The following GRM5 variants were observed in gnomAD, a reference collection of about 807,000 sequenced individuals.
GRM5 encodes glutamate metabotropic receptor 5.
A neutral mutation model predicts 83.1 loss-of-function variants in GRM5; 19 were observed. The observed-to-expected ratio is 0.23, with a 90% CI of 0.16 to 0.34. The LOEUF is 0.34. Ranked by LOEUF, GRM5 falls within the 10% of genes least tolerant of loss-of-function variation. GRM5 has a pLI of 1.00. For missense variants in GRM5, 1,160 were observed against 1,588.3 expected (o/e 0.73, Z 4.58); for synonymous variants, 675 against 633.6 (o/e 1.07, Z -0.98).
intron 2 of GRM5, among the ~76,000 whole-genome samples, chr11:89,013,837 G>T (rs1287874729): frequency 6.6e-6 from 1 of 152,092 alleles, no homozygotes; most frequent in Non-Finnish European, 1.5e-5. Context: ...CTACCAGATA[G>T]TTATTAAAAT....
intron 2 of GRM5, among the ~76,000 whole-genome samples, chr11:89,034,797 A>G (rs1028542685): frequency 1.3e-5 from 2 of 150,786 alleles, no homozygotes; most frequent in African/African-American, 4.9e-5. Context: ...GGTTATTTTT[A>G]TAAGTTCAAA....
At chr11:88,950,628 G>C (rs1938428671) in intron 2 of GRM5, among the ~76,000 whole-genome samples, 1 of 152,134 alleles carries the variant, frequency 6.6e-6, no homozygotes, top group Non-Finnish European at 1.5e-5. Context: ...GCAAAAAGAA[G>C]TGCAAGACTA....
chr11:88,878,665 G>A (rs1394892312), intron 2 of GRM5, among the ~76,000 whole-genome samples: 1 of 152,162 alleles, frequency 6.6e-6, no homozygotes, highest in Non-Finnish European at 1.5e-5. Context: ...GGCTAAGTAG[G>A]AGAAAGACTG....
intron 3 of GRM5, among the ~76,000 whole-genome samples, chr11:88,730,015 C>A (rs954411257): frequency 6.6e-6 from 1 of 152,036 alleles, no homozygotes; most frequent in East Asian, 1.9e-4. Context: ...GCAACAAAAG[C>A]CAAAATTGAC....
chr11:88,658,493 A>G (rs1939824147), intron 3 of GRM5, among the ~76,000 whole-genome samples: 2 of 152,160 alleles, frequency 1.3e-5, no homozygotes, highest in Non-Finnish European at 1.5e-5. Flanking sequence ...TGAAACTGAG[A>G]AAAAACATGA....
chr11:88,617,205 A>G (rs912717389), intron 4 of GRM5, among the ~76,000 whole-genome samples: 14 of 152,282 alleles, frequency 9.2e-5, no homozygotes, highest in African/African-American at 3.4e-4. Flanking sequence ...GTGTATTTTT[A>G]CCATCTAATA....
chr11:89,045,619 T>C (rs1941625668), intron 2 of GRM5, among the ~76,000 whole-genome samples: 1 of 152,168 alleles, frequency 6.6e-6, no homozygotes. Context: ...GGGGTAAATT[T>C]AGGATAAAAC....
chr11:88,618,524 C>T (rs950709402), intron 4 of GRM5, among the ~76,000 whole-genome samples: 17 of 151,076 alleles, frequency 1.1e-4, no homozygotes, highest in Non-Finnish European at 4.4e-5. Flanking sequence ...ATTAAAAAGA[C>T]ATTTATTGAG....
At chr11:88,993,054 A>AT (rs1432752993) in intron 2 of GRM5, among the ~76,000 whole-genome samples, 2 of 150,782 alleles carry the variant, frequency 1.3e-5, no homozygotes, top group Non-Finnish European at 3.0e-5. Context: ...TAAAAAATAA[A>AT]TAAAAAAAAA....
chr11:88,901,070 T>A (rs1216876025), intron 2 of GRM5, among the ~76,000 whole-genome samples: 1 of 152,122 alleles, frequency 6.6e-6, no homozygotes, highest in Non-Finnish European at 1.5e-5. Flanking sequence ...AGTTATCAGA[T>A]CTTTAATGGA....
intron 2 of GRM5, among the ~76,000 whole-genome samples, chr11:88,916,287 G>A (rs548802436): frequency 1.1e-3 from 162 of 152,178 alleles, no homozygotes; most frequent in Non-Finnish European, 2.1e-3. Context: ...CTTTACTTGC[G>A]TACACCACCC....
chr11:88,765,750 C>T (rs1029154130), intron 3 of GRM5, among the ~76,000 whole-genome samples: 83 of 151,618 alleles, frequency 5.5e-4, no homozygotes, highest in Non-Finnish European at 1.1e-3. Context: ...GAAAAAAAAA[C>T]TTAATGAAAA....
intron 3 of GRM5, among the ~76,000 whole-genome samples, chr11:88,673,235 A>T (rs1450709830): frequency 6.6e-6 from 1 of 151,930 alleles, no homozygotes; most frequent in Middle Eastern, 3.2e-3. Context: ...AAGTGATTAT[A>T]GGATGGAAAA....
chr11:88,921,447 C>A (rs528594621), intron 2 of GRM5, among the ~76,000 whole-genome samples: 10 of 152,082 alleles, frequency 6.6e-5, no homozygotes, highest in Admixed American at 5.9e-4. Flanking sequence ...CACGGTGAAA[C>A]CCCGTCTCTA....
At chr11:88,627,088 T>C (rs753441252) in intron 4 of GRM5, among the ~76,000 whole-genome samples, 19 of 152,236 alleles carry the variant, frequency 1.2e-4, no homozygotes, top group South Asian at 4.1e-4. Context: ...TCTCATAATA[T>C]CTCTATCTGC....
intron 2 of GRM5, among the ~76,000 whole-genome samples, chr11:89,033,812 A>G (rs1231937574): frequency 6.6e-6 from 1 of 151,880 alleles, no homozygotes; most frequent in African/African-American, 2.4e-5. Context: ...CCAAACATCA[A>G]TTATATTGAT....
chr11:88,646,825 A>G (rs1939468626), intron 4 of GRM5, among the ~76,000 whole-genome samples: 1 of 151,756 alleles, frequency 6.6e-6, no homozygotes, highest in African/African-American at 2.4e-5. Context: ...GCAGGTTCTG[A>G]CTGCAAAATT....
At chr11:88,605,543 CATTT>C (rs1938117589) in intron 4 of GRM5, among the ~76,000 whole-genome samples, 1 of 152,024 alleles carries the variant, frequency 6.6e-6, no homozygotes, top group Admixed American at 6.6e-5. Flanking sequence ...ATTCAGTAAA[CATTT>C]ATTAGAGTCA....
At position 88,589,887 on chromosome 11, in the gene GRM5, A is replaced by T. The variant is rs138684780; in HGVS notation, c.1690+714T>A. Among the ~76,000 whole-genome samples, 28 of 152,294 alleles carry T rather than the reference A, an allele frequency of 1.8e-4. 1 individual carries two copies. Among genetic ancestry groups the T allele is most frequent in the African/African-American group, 5.1e-4 (21 of 41,582 alleles). On this transcript the variant is annotated intron_variant, in intron 7 of 9. Transcript: ENST00000305447. ...TTTTTATTTTAGTGGTAGGAAAATA[A>T]GCACATGAGTGCATTTAATAAATGT...
Sources: gnomAD v4.1 joint callset for allele counts (sites outside exome capture counted in the v4.1 genomes callset) on GRCh38, gnomAD v4.1.1 for gene constraint, MANE v1.5 for transcripts, NCBI Gene and HGNC (gene_info 2026-07-23, HGNC 2026-07-21) for gene names.